Variants in TUFT1 observed in about 807,000 individuals in gnomAD.
TUFT1 encodes tuftelin 1.
In TUFT1, 43 loss-of-function variants were observed where a neutral mutation model predicts 57.8. That is an observed-to-expected ratio of 0.74 (90% confidence interval 0.58 to 0.96). The LOEUF is 0.96. TUFT1 is among the 40% of genes least tolerant of loss of function. TUFT1 has a pLI of 0.00. For missense variants in TUFT1, 459 were observed against 489.0 expected, an observed-to-expected ratio of 0.94 and a Z score of 0.58; for synonymous variants, 166 against 176.7, an observed-to-expected ratio of 0.94 and a Z score of 0.48.
intron 1 of TUFT1, among the ~76,000 whole-genome samples, chr1:151,548,810 A>T (rs902765036): frequency 2.6e-5 from 4 of 151,666 alleles, no homozygotes; most frequent in African/African-American, 9.7e-5. Context: ...CTTACACTTG[A>T]CTCCTACCCA....
rs1278525143 is a variant in TUFT1, at chr1:151,582,935, ATTG to A, written c.*1231_*1233del. 1.4e-5 allele frequency: 2 copies of A among 142,548 alleles called. No individual in the cohort carries two copies. Among genetic ancestry groups the A allele is most frequent in the South Asian group, 2.2e-4 (1 of 4,488 alleles). The allele number at this position is 142,548 out of a possible 1,614,324, so 8.8% of individuals were successfully genotyped here. ...CAGGTCATCATGGTTTTCTTTTTTT[ATTG>A]TTTTTTTTTTTTTCTGAGACAGAGT... is the stretch of plus-strand genomic sequence containing the variant. On this transcript the variant is annotated 3_prime_UTR_variant, in exon 13 of 13. Coordinates refer to ENST00000368849, the MANE Select transcript of TUFT1 (RefSeq NM_020127.3).
At chr1:151,564,382 AG>A (rs1665996232) in intron 4 of TUFT1, 142 bp from the exon 5 acceptor site, 2 of 631,726 alleles carry the variant, frequency 3.2e-6, no homozygotes, top group African/African-American at 3.7e-5. Flanking sequence ...CACTTGACCA[AG>A]GTCCCTCCCT....
At chr1:151,548,715 G>A (rs893821353) in intron 1 of TUFT1, among the ~76,000 whole-genome samples, 4 of 152,146 alleles carry the variant, frequency 2.6e-5, no homozygotes, top group African/African-American at 9.7e-5. Context: ...AGGGAAGAGT[G>A]GGATACAGGG....
intron 1 of TUFT1, among the ~76,000 whole-genome samples, chr1:151,542,870 A>G (rs1665211030): frequency 6.6e-6 from 1 of 152,240 alleles, no homozygotes; most frequent in South Asian, 2.1e-4. Context: ...ACTTGCAGAC[A>G]GAATTTATGG....
intron 1 of TUFT1, among the ~76,000 whole-genome samples, chr1:151,548,867 G>A (rs1231542033): frequency 2.0e-5 from 3 of 152,274 alleles, no homozygotes; most frequent in East Asian, 3.9e-4. Flanking sequence ...CTGGGGGAAC[G>A]CAGGCTTTTC....
rs138156504 is a variant in TUFT1, at chr1:151,566,185, G to A, written c.437G>A (p.Gly146Asp). Reference sequence around the variant, plus strand: ...CAGGTGGTGCTAGAAAAGCCAAATGGCTTTAGTCAGAGTCCCACAGCCCTG... The same window carrying A: ...CAGGTGGTGCTAGAAAAGCCAAATGACTTTAGTCAGAGTCCCACAGCCCTG... ...EIQVVLEKPN[G>D]FSQSPTALYS... Residue 146 changes from glycine to aspartate, a missense_variant, in exon 6 of 13, where the codon GGC becomes GAC. By Grantham distance (94) the Gly-to-Asp change is moderately conservative. Coordinates refer to ENST00000368849, the MANE Select transcript of TUFT1 (RefSeq NM_020127.3). The A allele has an allele frequency of 3.6e-4, 573 of 1,611,206 alleles. 1 individual carries two copies. Among genetic ancestry groups the A allele is most frequent in the Non-Finnish European group, 4.6e-4 (538 of 1,178,938 alleles).
At chr1:151,563,179 C>A (rs890665665) in intron 3 of TUFT1, among the ~76,000 whole-genome samples, 1 of 152,178 alleles carries the variant, frequency 6.6e-6, no homozygotes, top group African/African-American at 2.4e-5. Flanking sequence ...ACCAGCCCAC[C>A]TGGCTGATGG....
intron 9 of TUFT1, 48 bp from the exon 10 acceptor site, chr1:151,578,673 A>G: frequency 6.7e-7 from 1 of 1,486,826 alleles, no homozygotes; most frequent in Non-Finnish European, 9.1e-7. Context: ...GACTGGGTAA[A>G]TAAGTGATCT....
intron 1 of TUFT1, among the ~76,000 whole-genome samples, chr1:151,542,418 G>A (rs1266545933): frequency 1.3e-5 from 2 of 150,228 alleles, no homozygotes; most frequent in African/African-American, 4.9e-5. Flanking sequence ...TGTTGGTAGA[G>A]ATGGGATTTC....
intron 11 of TUFT1, among the ~76,000 whole-genome samples, chr1:151,580,028 T>G (rs1339918984): frequency 2.6e-5 from 4 of 152,184 alleles, no homozygotes; most frequent in African/African-American, 9.6e-5. Flanking sequence ...CTCCAGGCTT[T>G]GCAAAGGAGC....
At chr1:151,542,446 AG>A (rs1665199491) in intron 1 of TUFT1, among the ~76,000 whole-genome samples, 1 of 149,316 alleles carries the variant, frequency 6.7e-6, no homozygotes, top group Non-Finnish European at 1.5e-5. Flanking sequence ...TGCCCAGGCT[AG>A]TCTCGAACTC....
At chr1:151,545,044 C>G (rs1665288679) in intron 1 of TUFT1, among the ~76,000 whole-genome samples, 1 of 150,938 alleles carries the variant, frequency 6.6e-6, no homozygotes, top group South Asian at 2.1e-4. Context: ...AGTGCAGTGG[C>G]TCACGTCTGT....
chr1:151,580,996 G>A lies in TUFT1; in HGVS notation c.1063G>A (p.Gly355Ser), dbSNP rs1387994547. ...CCTGATAGAAAAACAAATCAGTCATGGCAACTTCAGCACCCAGGCCCGGGC... is the reference window on the plus strand; with the variant it reads ...CCTGATAGAAAAACAAATCAGTCATAGCAACTTCAGCACCCAGGCCCGGGC... ...EHLIEKQISH[G>S]NFSTQARAKT... Residue 355 changes from glycine to serine, a missense_variant, in exon 12 of 13, where the codon GGC (glycine) becomes AGC (serine). Coordinates refer to ENST00000368849, the MANE Select transcript of TUFT1 (RefSeq NM_020127.3). 6.2e-7 allele frequency: 1 copy of A among 1,614,174 alleles called. No individual in the cohort carries two copies. The highest frequency in any genetic ancestry group is 2.2e-5 in the East Asian group (1 of 44,878).
intron 7 of TUFT1, among the ~76,000 whole-genome samples, chr1:151,573,572 C>T (rs1666339926): frequency 6.6e-6 from 1 of 152,128 alleles, no homozygotes; most frequent in Non-Finnish European, 1.5e-5. Context: ...TGGATAAACC[C>T]CGTCTCTACT....
chr1:151,556,583 A>G (rs1665706954), intron 1 of TUFT1, among the ~76,000 whole-genome samples: 1 of 152,092 alleles, frequency 6.6e-6, no homozygotes, highest in Non-Finnish European at 1.5e-5. Flanking sequence ...TAAGAAAAAA[A>G]CATGTTTTTT....
intron 5 of TUFT1, 188 bp from the exon 6 acceptor site, chr1:151,565,975 T>TC (rs1666058444): frequency 2.0e-6 from 1 of 495,928 alleles, no homozygotes; most frequent in Admixed American, 3.2e-5. Context: ...TCCTTCTTCC[T>TC]CTTCTCCTTT....
chr1:151,561,667 G>A (rs1230643693), intron 1 of TUFT1: 5 of 1,245,370 alleles, frequency 4.0e-6, no homozygotes, highest in East Asian at 5.7e-5. Flanking sequence ...AGTTCAGGAA[G>A]AATATGCTAG....
At chr1:151,568,811 C>T (rs1278995672) in intron 6 of TUFT1, among the ~76,000 whole-genome samples, 7 of 152,140 alleles carry the variant, frequency 4.6e-5, no homozygotes, top group East Asian at 3.9e-4. Flanking sequence ...AAAGCTGTAC[C>T]GGATGTTATC....
At chr1:151,579,593 T>G (rs1035039028) in intron 10 of TUFT1, 56 bp from the exon 11 acceptor site, 1 of 1,583,542 alleles carries the variant, frequency 6.3e-7, no homozygotes. Context: ...TGAAGTCTGG[T>G]GAGTGTGTAA....
Sources: allele counts gnomAD v4.1 joint callset (sites outside exome capture counted in the v4.1 genomes callset), GRCh38; gene constraint gnomAD v4.1.1; transcripts MANE v1.5; gene names NCBI Gene and HGNC (gene_info 2026-07-23, HGNC 2026-07-21).